NRG2: variants seen among roughly 807,000 people sequenced by gnomAD.
NRG2 encodes the protein pro-neuregulin-2, membrane-bound isoform.
NRG2 carries 27 observed loss-of-function variants against 73.9 expected under a neutral mutation model. That is an observed-to-expected ratio of 0.37 (90% CI 0.27 to 0.50). NRG2 has a LOEUF of 0.50. Ranked by LOEUF, NRG2 falls within the 20% of genes least tolerant of loss-of-function variation. NRG2 has a pLI of 0.96. For missense variants in NRG2, 1,126 were observed against 1,210.1 expected, an observed-to-expected ratio of 0.93 and a Z score of 1.03; for synonymous variants, 532 against 541.0, an observed-to-expected ratio of 0.98 and a Z score of 0.23.
chr5:140,026,527 C>T (rs965626419), intron 1 of NRG2, among the ~76,000 whole-genome samples: 5 of 151,954 alleles, frequency 3.3e-5, no homozygotes, highest in South Asian at 2.1e-4. Context: ...CTCAAGCCCA[C>T]GAGGTCCAAG....
chr5:139,848,418 G>A lies in NRG2; in HGVS notation c.2052C>T (p.Pro684=). Residue 684 remains proline, a synonymous_variant, in exon 10 of 10, where the codon CCC becomes CCT. Transcript: ENST00000361474. The part of the protein sequence containing the change: ...YDSYYYPAAG[P]GPRRGTCALG... Reference sequence around the variant, plus strand: ...GCGCGCAGGTCCCGCGCCGCGGTCCGGGCCCCGCCGCGGGGTAATAGTAGC... The same window carrying A: ...GCGCGCAGGTCCCGCGCCGCGGTCCAGGCCCCGCCGCGGGGTAATAGTAGC... 3 of 1,284,002 alleles carry A rather than the reference G, an allele frequency of 2.3e-6. No individual in the cohort carries two copies. Among genetic ancestry groups the A allele is most frequent in the Non-Finnish European group, 2.9e-6 (3 of 1,024,088 alleles). The allele number at this position is 1,284,002 out of a possible 1,614,324, so 79.5% of individuals were successfully genotyped here. A position where few individuals can be genotyped will look rare whatever the true frequency, so the allele number is the denominator to read the frequency against.
intron 1 of NRG2, among the ~76,000 whole-genome samples, chr5:140,003,339 G>A (rs568388315): frequency 1.3e-5 from 2 of 152,148 alleles, no homozygotes; most frequent in African/African-American, 4.8e-5. Flanking sequence ...TACCTAACAG[G>A]GCAAAAAGGA....
chr5:140,026,692 T>C (rs1363591130), intron 1 of NRG2, among the ~76,000 whole-genome samples: 2 of 151,950 alleles, frequency 1.3e-5, no homozygotes, highest in African/African-American at 2.4e-5. Context: ...AAGAATTGGA[T>C]TGGGGAGACT....
chr5:139,901,107 C>T (rs1764859743), intron 1 of NRG2, among the ~76,000 whole-genome samples: 2 of 152,210 alleles, frequency 1.3e-5, no homozygotes, highest in African/African-American at 4.8e-5. Flanking sequence ...ATCCGATTCC[C>T]CCAACCCAGA....
chr5:139,952,194 C>T (rs1232969943), intron 1 of NRG2, among the ~76,000 whole-genome samples: 1 of 152,206 alleles, frequency 6.6e-6, no homozygotes, highest in Non-Finnish European at 1.5e-5. Context: ...CCAATAAATG[C>T]AGTTTCCTTT....
intron 1 of NRG2, among the ~76,000 whole-genome samples, chr5:140,026,002 GA>G (rs1419737823): frequency 6.6e-6 from 1 of 152,116 alleles, no homozygotes; most frequent in Non-Finnish European, 1.5e-5. Flanking sequence ...GAGGGGATCA[GA>G]AAAAGCTTTG....
In NRG2 at chr5:139,880,874, G is replaced by T. The variant is rs774237401; in HGVS notation, c.973C>A (p.Arg325=). The change falls in exon 3 of 10, where the codon CGG becomes AGG. Residue 325 remains arginine (R), a synonymous_variant. Coordinates refer to ENST00000361474, the MANE Select transcript of NRG2 (RefSeq NM_004883.3). The part of the protein sequence containing the change: ...NILGKDTVRG[R]LYVNSVSTTL... ...CACCTACCGCTGTTGACGTAAAGCC[G>T]GCCCCGGACGGTGTCCTTCCCCAGG... 1 of 1,614,034 alleles carries T rather than the reference G, an allele frequency of 6.2e-7. No homozygotes were observed. The highest frequency in any genetic ancestry group is 1.7e-5 in the Admixed American group (1 of 60,006).
chr5:140,018,680 G>A (rs1451918455), intron 1 of NRG2, among the ~76,000 whole-genome samples: 7 of 152,142 alleles, frequency 4.6e-5, no homozygotes, highest in East Asian at 1.9e-4. Flanking sequence ...GACAACAAGC[G>A]CATGCCAAGG....
chr5:139,852,229 C>A lies in NRG2; in HGVS notation c.1544+203G>T, dbSNP rs1009254660. 8.5e-5 allele frequency among the ~76,000 whole-genome samples: 13 copies of A among 152,174 alleles called. No individual in the cohort carries two copies. The highest frequency in any genetic ancestry group is 3.1e-4 in the African/African-American group (13 of 41,440). On this transcript the variant is annotated intron_variant, in intron 8 of 9. Coordinates refer to ENST00000361474, the MANE Select transcript of NRG2 (RefSeq NM_004883.3). The surrounding 1 kb of genome is among the most constrained non-coding windows in gnomAD (Gnocchi z 4.4). The stretch of plus-strand genomic sequence containing the variant: ...CTCCCGAGGGAAGAAGGGAGCCAGC[C>A]ATGTTATTTTTGAGTTGTCTGAGCC...
chr5:139,973,085 G>A (rs764323474), intron 1 of NRG2, among the ~76,000 whole-genome samples: 1 of 138,016 alleles, frequency 7.2e-6, no homozygotes, highest in African/African-American at 2.7e-5. Context: ...AGTATCAAAA[G>A]CCTTATAACA....
intron 1 of NRG2, among the ~76,000 whole-genome samples, chr5:139,935,346 T>C (rs1275152390): frequency 1.3e-5 from 2 of 152,132 alleles, no homozygotes; most frequent in East Asian, 3.9e-4. Context: ...ATAGAAAACT[T>C]GAACAGTACT....
chr5:139,852,721 A>G lies in NRG2; in HGVS notation c.1417-162T>C, dbSNP rs539701106. 6.6e-6 allele frequency among the ~76,000 whole-genome samples: 1 copy of G among 151,598 alleles called. No homozygotes were observed. The highest frequency in any genetic ancestry group is 6.6e-5 in the Admixed American group (1 of 15,250). ...GGGCAGCGATGGCTCCAGCAAATCA[A>G]CCCCCACCCCTTCCTCATGGAAGTG... On this transcript the variant is annotated intron_variant, in intron 7 of 9. Transcript: ENST00000361474. The surrounding 1 kb of genome is among the most constrained non-coding windows in gnomAD (Gnocchi z 4.4).
At chr5:140,036,193 C>T (rs1037877746) in intron 1 of NRG2, among the ~76,000 whole-genome samples, 1 of 152,194 alleles carries the variant, frequency 6.6e-6, no homozygotes, top group Non-Finnish European at 1.5e-5. Flanking sequence ...GAATGGAGCT[C>T]ATATGCCACA....
At chr5:139,893,211 T>C (rs1764332240) in intron 1 of NRG2, among the ~76,000 whole-genome samples, 2 of 152,142 alleles carry the variant, frequency 1.3e-5, no homozygotes, top group Non-Finnish European at 1.5e-5. Flanking sequence ...TTTTTCCAAG[T>C]CTAGAATCAT....
At chr5:139,909,387 G>C (rs149566636) in intron 1 of NRG2, among the ~76,000 whole-genome samples, 1 of 152,210 alleles carries the variant, frequency 6.6e-6, no homozygotes, top group African/African-American at 2.4e-5. Flanking sequence ...TCCTGCAAGG[G>C]GGTCTTGGGA....
intron 1 of NRG2, among the ~76,000 whole-genome samples, chr5:139,966,124 C>T (rs1226108328): frequency 6.6e-6 from 1 of 152,182 alleles, no homozygotes; most frequent in Non-Finnish European, 1.5e-5. Flanking sequence ...GTAATATTTA[C>T]TGAACCAATG....
At chr5:139,907,848 C>T (rs1350695227) in intron 1 of NRG2, among the ~76,000 whole-genome samples, 1 of 152,134 alleles carries the variant, frequency 6.6e-6, no homozygotes, top group Non-Finnish European at 1.5e-5. Context: ...GCCCAGGAGA[C>T]AATGAGCAGA....
chr5:139,880,938 C>T lies in NRG2; in HGVS notation c.909G>A (p.Val303=). 6.2e-7 allele frequency: 1 copy of T among 1,614,218 alleles called. No homozygotes were observed. The highest frequency in any genetic ancestry group is 8.5e-7 in the Non-Finnish European group (1 of 1,180,016). ...CGCAGACATACTCCCCAGCGTCCTC[C>T]ACCTTCACCTTGTTGAACTGTAGTC... ...NSRLQFNKVK[V]EDAGEYVCEA... is the part of the protein sequence containing the mutation. The change falls in exon 3 of 10, where the codon GTG becomes GTA. Residue 303 remains valine (V), a synonymous_variant. Transcript: ENST00000361474.
chr5:139,887,572 T>C lies in NRG2; in HGVS notation c.701-61A>G. 6.7e-7 allele frequency: 1 copy of C among 1,496,664 alleles called. No homozygotes were observed. Among genetic ancestry groups the C allele is most frequent in the Admixed American group, 1.8e-5 (1 of 55,602 alleles). The allele number at this position is 1,496,664 out of a possible 1,614,324, so 92.7% of individuals were successfully genotyped here. A position where few individuals can be genotyped will look rare whatever the true frequency, so the allele number is the denominator to read the frequency against. On this transcript the variant is annotated intron_variant, in intron 1 of 9. Transcript: ENST00000361474. This position sits in a 1 kb window ranked among gnomAD's most constrained non-coding sequence, Gnocchi z 4.5. ...TGGTAGGGGCAGTGCCAAGCATGAG[T>C]AGTGGAGAGTAAGGGCCACTGTCTT...
Sources: allele counts gnomAD v4.1 joint callset (sites outside exome capture counted in the v4.1 genomes callset), GRCh38; gene constraint gnomAD v4.1.1; non-coding constraint Gnocchi (gnomAD v3.1); transcripts MANE v1.5; gene names NCBI Gene and HGNC (gene_info 2026-07-23, HGNC 2026-07-21).